OSBPL9: variants seen among roughly 807,000 people sequenced by gnomAD.
The protein encoded by OSBPL9 is oxysterol binding protein like 9.
A neutral mutation model predicts 106.6 loss-of-function variants in OSBPL9; 40 were observed. That is an observed-to-expected ratio of 0.38 (90% CI 0.29 to 0.49). The LOEUF (loss-of-function observed/expected upper bound fraction) is 0.49. Among genes scored for constraint, OSBPL9 ranks in the 20% least tolerant of loss-of-function variants. OSBPL9 has a pLI of 0.97. For missense variants in OSBPL9, 609 were observed against 887.2 expected (o/e 0.69, Z 3.98); for synonymous variants, 269 against 295.4 (o/e 0.91, Z 0.92).
intron 1 of OSBPL9, chr1:51,594,818 C>T (rs999308541): frequency 1.3e-5 from 2 of 152,322 alleles, no homozygotes; most frequent in African/African-American, 2.4e-5. Flanking sequence ...CAGGCAAGGG[C>T]GTGGAGTCTG....
intron 1 of OSBPL9, among the ~76,000 whole-genome samples, chr1:51,651,778 G>C (rs554093641): frequency 4.0e-4 from 61 of 152,244 alleles, no homozygotes; most frequent in African/African-American, 1.4e-3. Context: ...TATGTGTAAA[G>C]TTCTATGATT....
chr1:51,748,540 AT>A (rs201693979), intron 7 of OSBPL9, 142 bp downstream of exon 7: 847 of 949,934 alleles, frequency 8.9e-4, no homozygotes, highest in Middle Eastern at 1.2e-3. Context: ...TAAGCATTGT[AT>A]TTTTTTTTAA....
the OSBPL9 span, among the ~76,000 whole-genome samples, chr1:51,542,033 G>A: frequency 6.6e-6 from 1 of 152,106 alleles, no homozygotes; most frequent in Non-Finnish European, 1.5e-5. Context: ...GACTACAGGT[G>A]TATGTCACCA....
chr1:51,767,723 G>T (rs1672870011), intron 12 of OSBPL9, among the ~76,000 whole-genome samples: 1 of 152,044 alleles, frequency 6.6e-6, no homozygotes, highest in Admixed American at 6.6e-5. Context: ...TAGCATATTG[G>T]TTTCTTTTTT....
intron 4 of OSBPL9, chr1:51,740,208 A>G (rs1243971503): frequency 1.3e-6 from 2 of 1,537,828 alleles, no homozygotes; most frequent in Non-Finnish European, 1.7e-6. Flanking sequence ...TTTCAAAAAT[A>G]ATTGTAAGTG....
rs1162851092 is a variant in OSBPL9, at chr1:51,788,894, T to C, written c.*1105T>C. On this transcript the variant is annotated 3_prime_UTR_variant, in exon 24 of 24. Transcript: ENST00000428468. ...TTTAAAAATACATTAAAAAAACAGG[T>C]ATTAGTACCTAGCATTTAGTTAGTT... is the stretch of plus-strand genomic sequence containing the variant. Among the ~76,000 whole-genome samples the C allele has an allele frequency of 6.9e-6, 1 of 145,166 alleles. No homozygotes were observed. Among genetic ancestry groups the C allele is most frequent in the Non-Finnish European group, 1.5e-5 (1 of 67,110 alleles).
chr1:51,580,940 ATATATATATATATAAC>A (rs1645217891), intron 1 of OSBPL9, among the ~76,000 whole-genome samples: 1 of 828 alleles, frequency 1.2e-3, no homozygotes, highest in African/African-American at 3.0e-3. Flanking sequence ...ATATATATAT[ATATATATATATATAAC>A]TTTTTTGAAA....
intron 9 of OSBPL9, chr1:51,757,088 A>C (rs542890540): frequency 6.6e-6 from 1 of 152,134 alleles, no homozygotes; most frequent in Non-Finnish European, 1.5e-5. Flanking sequence ...TTTGTCCTAG[A>C]CTTTACAAAT....
intron 3 of OSBPL9, among the ~76,000 whole-genome samples, chr1:51,700,055 A>G (rs1309208728): frequency 2.6e-5 from 4 of 152,116 alleles, no homozygotes; most frequent in Non-Finnish European, 5.9e-5. Context: ...GTATTTACTT[A>G]TTTGATCAAT....
At chr1:51,518,856 T>C in the OSBPL9 span, among the ~76,000 whole-genome samples, 4 of 151,506 alleles carry the variant, frequency 2.6e-5, no homozygotes, top group Non-Finnish European at 2.9e-5. Context: ...GGAAACTTCC[T>C]GGGTAGGTGA....
chr1:51,707,462 TC>T, intron 3 of OSBPL9: 1 of 177,750 alleles, frequency 5.6e-6, no homozygotes, highest in African/African-American at 2.4e-5. Flanking sequence ...CCAGTGATCT[TC>T]CCATTCAGTT....
intron 12 of OSBPL9, among the ~76,000 whole-genome samples, chr1:51,767,484 G>T (rs1342726963): frequency 6.6e-6 from 1 of 151,940 alleles, no homozygotes; most frequent in Non-Finnish European, 1.5e-5. Context: ...TTTTTGTTGG[G>T]AATTACTTCT....
intron 2 of OSBPL9, among the ~76,000 whole-genome samples, chr1:51,664,168 A>T (rs959356538): frequency 6.6e-5 from 10 of 152,230 alleles, no homozygotes; most frequent in Admixed American, 2.6e-4. Flanking sequence ...AGATATGAAT[A>T]AGAATATTCA....
At chr1:51,597,423 ATGTG>A (rs71063046) in intron 1 of OSBPL9, among the ~76,000 whole-genome samples, 12,405 of 135,458 alleles carry the variant, frequency 0.092, 618 homozygotes, top group Non-Finnish European at 0.11. Context: ...ATATATATAT[ATGTG>A]TGTGTGTGTG....
At chr1:51,752,173 C>G (rs147197570) in intron 8 of OSBPL9, among the ~76,000 whole-genome samples, 1 of 152,122 alleles carries the variant, frequency 6.6e-6, no homozygotes, top group South Asian at 2.1e-4. Context: ...CCTACCCTTG[C>G]TTGGTCACAC....
At chr1:51,665,831 A>G (rs1347132282) in intron 2 of OSBPL9, among the ~76,000 whole-genome samples, 1 of 152,138 alleles carries the variant, frequency 6.6e-6, no homozygotes, top group Non-Finnish European at 1.5e-5. Flanking sequence ...CTGCAGCAGC[A>G]ACAGGTGCTC....
chr1:51,768,419 G>T (rs1362855537), intron 12 of OSBPL9, among the ~76,000 whole-genome samples: 5 of 149,680 alleles, frequency 3.3e-5, no homozygotes, highest in Non-Finnish European at 5.9e-5. Context: ...TTGCCATGTT[G>T]GCCAGGCTGG....
At chr1:51,696,782 C>A (rs765563026) in intron 3 of OSBPL9, among the ~76,000 whole-genome samples, 11 of 152,156 alleles carry the variant, frequency 7.2e-5, no homozygotes, top group Non-Finnish European at 1.2e-4. Flanking sequence ...AACTTTAATT[C>A]TTTAAAAGCT....
At chr1:51,718,244 T>C (rs1661434522) in intron 4 of OSBPL9, among the ~76,000 whole-genome samples, 1 of 152,014 alleles carries the variant, frequency 6.6e-6, no homozygotes, top group Non-Finnish European at 1.5e-5. Context: ...GGAGTGGGGA[T>C]GGTTAATGGG....
Sources: allele counts gnomAD v4.1 joint callset (sites outside exome capture counted in the v4.1 genomes callset), GRCh38; gene constraint gnomAD v4.1.1; transcripts MANE v1.5; gene names NCBI Gene and HGNC (gene_info 2026-07-23, HGNC 2026-07-21).